Variants in TSC22D1 observed in about 807,000 individuals in gnomAD.
TSC22D1 encodes the protein TSC22 domain family protein 1.
A neutral mutation model predicts 74.2 loss-of-function variants in TSC22D1; 9 were observed. The observed-to-expected ratio is 0.12, with a 90% CI of 0.07 to 0.21. TSC22D1 has a LOEUF of 0.21. Among genes scored for constraint, TSC22D1 ranks in the 10% least tolerant of loss-of-function variants. The pLI is 1.00. For synonymous variants in TSC22D1, 586 were observed against 492.5 expected (o/e 1.19, Z -2.51); for missense variants, 1,427 against 1,304.7 (o/e 1.09, Z -1.44).
chr13:44,509,548 G>A (rs1370605443), intron 1 of TSC22D1, among the ~76,000 whole-genome samples: 1 of 152,180 alleles, frequency 6.6e-6, no homozygotes, highest in Non-Finnish European at 1.5e-5. Flanking sequence ...GCTGAGGCAG[G>A]AGAATCGCTT....
intron 1 of TSC22D1, among the ~76,000 whole-genome samples, chr13:44,547,434 T>TAC (rs1390642157): frequency 6.6e-6 from 1 of 152,178 alleles, no homozygotes; most frequent in East Asian, 1.9e-4. Context: ...AAACAATGTT[T>TAC]ACATTAAATA....
At chr13:44,498,836 C>T (rs1474243831) in intron 1 of TSC22D1, among the ~76,000 whole-genome samples, 3 of 152,088 alleles carry the variant, frequency 2.0e-5, no homozygotes, top group African/African-American at 7.2e-5. Flanking sequence ...GTTTAGTACT[C>T]CATCCTCAAA....
chr13:44,513,131 G>T (rs1200799648), intron 1 of TSC22D1, among the ~76,000 whole-genome samples: 2 of 152,140 alleles, frequency 1.3e-5, no homozygotes, highest in Non-Finnish European at 2.9e-5. Flanking sequence ...GGTCAGGTTG[G>T]ATTTAACTGC....
At chr13:44,572,758 C>T (rs1282888331) in intron 1 of TSC22D1, among the ~76,000 whole-genome samples, 1 of 152,142 alleles carries the variant, frequency 6.6e-6, no homozygotes, top group Admixed American at 6.5e-5. Flanking sequence ...AAAGGGATGT[C>T]TAGTAAAGGA....
intron 1 of TSC22D1, among the ~76,000 whole-genome samples, chr13:44,458,024 T>C (rs1012409168): frequency 6.6e-6 from 1 of 152,240 alleles, no homozygotes; most frequent in African/African-American, 2.4e-5. Context: ...TCTGCTCATA[T>C]AAAAGTAGAA....
Position 44,576,300 on chromosome 13 carries a change from G to A in TSC22D1, c.-226C>T, listed in dbSNP as rs1328588561. 9 of 590,486 alleles carry A rather than the reference G, an allele frequency of 1.5e-5. No homozygotes were observed. The Admixed American group carries it at 1.7e-4, about 11-fold the overall frequency. 36.6% of individuals were successfully genotyped at this position (590,486 alleles called of 1,614,324 possible). A position where few individuals can be genotyped will look rare whatever the true frequency, so the allele number is the denominator to read the frequency against. On this transcript the variant is annotated 5_prime_UTR_variant, in exon 1 of 3. Coordinates refer to ENST00000458659, the MANE Select transcript of TSC22D1 (RefSeq NM_183422.4). Reference sequence around the variant, plus strand: ...ACAGGGCGGCCGGGGACCCGAAGGGGGGATCCCTTCAGTCCTTCGCCATTC... The same window carrying A: ...ACAGGGCGGCCGGGGACCCGAAGGGAGGATCCCTTCAGTCCTTCGCCATTC...
intron 1 of TSC22D1, among the ~76,000 whole-genome samples, chr13:44,468,429 C>T (rs1368235865): frequency 6.7e-6 from 1 of 149,686 alleles, no homozygotes; most frequent in African/African-American, 2.4e-5. Context: ...ATATGCTAGG[C>T]AATTTTCTAA....
intron 1 of TSC22D1, among the ~76,000 whole-genome samples, chr13:44,562,284 A>G (rs1241832714): frequency 6.6e-6 from 1 of 151,988 alleles, no homozygotes; most frequent in Non-Finnish European, 1.5e-5. Flanking sequence ...CCAGCAATCA[A>G]CCTGCCTCAG....
intron 1 of TSC22D1, among the ~76,000 whole-genome samples, chr13:44,535,542 G>A (rs937316963): frequency 1.4e-4 from 22 of 151,908 alleles, no homozygotes; most frequent in African/African-American, 5.3e-4. Flanking sequence ...TAAGATCTGT[G>A]TACATATTTA....
intron 1 of TSC22D1, among the ~76,000 whole-genome samples, chr13:44,560,282 G>C (rs762788659): frequency 7.9e-5 from 12 of 151,530 alleles, no homozygotes; most frequent in African/African-American, 2.9e-4. Flanking sequence ...AAAATAAAAA[G>C]GTAATTAATA....
intron 1 of TSC22D1, chr13:44,436,938 T>C: frequency 9.7e-7 from 1 of 1,028,804 alleles, no homozygotes; most frequent in Non-Finnish European, 1.2e-6. Context: ...GACCGCCCCC[T>C]ACTCCCTTCC....
At chr13:44,480,130 T>C (rs1303454178) in intron 1 of TSC22D1, among the ~76,000 whole-genome samples, 1 of 152,228 alleles carries the variant, frequency 6.6e-6, no homozygotes, top group Non-Finnish European at 1.5e-5. Flanking sequence ...ATAAGATGTG[T>C]ACAAGTTCCA....
intron 1 of TSC22D1, among the ~76,000 whole-genome samples, chr13:44,511,488 C>CT (rs1187867810): frequency 6.6e-6 from 1 of 152,110 alleles, no homozygotes; most frequent in Non-Finnish European, 1.5e-5. Flanking sequence ...TGTTGGTACT[C>CT]TAAGATCAGG....
At chr13:44,541,596 G>A (rs1881472323) in intron 1 of TSC22D1, among the ~76,000 whole-genome samples, 1 of 152,068 alleles carries the variant, frequency 6.6e-6, no homozygotes, top group South Asian at 2.1e-4. Context: ...AAGCCTTTTA[G>A]TATTTAAAAG....
intron 1 of TSC22D1, among the ~76,000 whole-genome samples, chr13:44,534,025 A>G (rs1230225059): frequency 6.6e-6 from 1 of 152,010 alleles, no homozygotes; most frequent in Admixed American, 6.6e-5. Flanking sequence ...AGGAGGGAGG[A>G]TCACTTCTCA....
chr13:44,520,661 T>C (rs1880271199), intron 1 of TSC22D1, among the ~76,000 whole-genome samples: 1 of 151,914 alleles, frequency 6.6e-6, no homozygotes, highest in Admixed American at 6.6e-5. Context: ...ATAGCAGAGG[T>C]GATAAGATAT....
chr13:44,465,491 A>C (rs1342837090), intron 1 of TSC22D1, among the ~76,000 whole-genome samples: 1 of 152,198 alleles, frequency 6.6e-6, no homozygotes, highest in Non-Finnish European at 1.5e-5. Flanking sequence ...CTCATGCCTC[A>C]GAGATTCAGA....
At position 44,562,904 on chromosome 13, in the gene TSC22D1, G is replaced by A. The variant is rs141589707; in HGVS notation, c.2912+10259C>T. On this transcript the variant is annotated intron_variant, in intron 1 of 2. Coordinates refer to ENST00000458659, the MANE Select transcript of TSC22D1 (RefSeq NM_183422.4). ...GTGGATCACCTGAGGTCAGGAGTTC[G>A]AGACCAGCCTGACCAACATGGTGAA... Among the ~76,000 whole-genome samples, 315 of 152,146 alleles carry A rather than the reference G, an allele frequency of 2.1e-3. 1 individual carries two copies. In the East Asian group the frequency reaches 0.029, roughly 14 times the overall value.
intron 1 of TSC22D1, among the ~76,000 whole-genome samples, chr13:44,532,619 G>C (rs879342614): frequency 6.6e-6 from 1 of 151,976 alleles, no homozygotes; most frequent in Non-Finnish European, 1.5e-5. Context: ...GACTATAGGC[G>C]CACGCCACCA....
Sources: gnomAD v4.1 joint callset for allele counts (sites outside exome capture counted in the v4.1 genomes callset) on GRCh38, gnomAD v4.1.1 for gene constraint, MANE v1.5 for transcripts, NCBI Gene and HGNC (gene_info 2026-07-23, HGNC 2026-07-21) for gene names.